DNMBP: variants seen among roughly 807,000 people sequenced by gnomAD.
DNMBP encodes dynamin binding protein, also known as dynamin-binding protein.
DNMBP carries 87 observed loss-of-function variants against 150.0 expected under a neutral mutation model. That is an observed-to-expected ratio of 0.58 (90% CI 0.49 to 0.69). DNMBP has a LOEUF of 0.69. Among genes scored for constraint, DNMBP ranks in the 30% least tolerant of loss-of-function variants. DNMBP has a pLI of 0.00. For synonymous variants in DNMBP, 711 were observed against 750.4 expected (o/e 0.95, Z 0.86); for missense variants, 1,774 against 1,949.0 (o/e 0.91, Z 1.69).
At chr10:99,951,192 C>G (rs1309073693) in intron 4 of DNMBP, among the ~76,000 whole-genome samples, 1 of 152,216 alleles carries the variant, frequency 6.6e-6, no homozygotes, top group Non-Finnish European at 1.5e-5. Context: ...TGCGGGTGCA[C>G]AGAAGAACTG....
At chr10:99,884,384 A>G (rs985818626) in intron 14 of DNMBP, among the ~76,000 whole-genome samples, 175 bp from the exon 15 acceptor site, 1 of 152,236 alleles carries the variant, frequency 6.6e-6, no homozygotes, top group Non-Finnish European at 1.5e-5. Context: ...GTAAAAATCA[A>G]GAGCCCTTAG....
At chr10:99,903,817 C>T (rs1173074858) in intron 6 of DNMBP, among the ~76,000 whole-genome samples, 4 of 152,210 alleles carry the variant, frequency 2.6e-5, no homozygotes, top group East Asian at 3.9e-4. Flanking sequence ...TGTTCTATAT[C>T]AATTACAAAC....
In DNMBP at chr10:99,877,149, G is replaced by A. The variant is rs1485000650; in HGVS notation, c.*2C>T. Reference sequence around the variant, plus strand: ...CAAGGCTGGGTGGCAGGCAACGTGGGCTCAGGTGTACTCGGTTTTGCGGAT... The same window carrying A: ...CAAGGCTGGGTGGCAGGCAACGTGGACTCAGGTGTACTCGGTTTTGCGGAT... On this transcript the variant is annotated 3_prime_UTR_variant, in exon 17 of 17. Coordinates refer to ENST00000324109, the MANE Select transcript of DNMBP (RefSeq NM_015221.4). 6.2e-7 allele frequency: 1 copy of A among 1,606,494 alleles called. No homozygotes were observed.
At chr10:99,907,780 G>A (rs534099149) in intron 6 of DNMBP, among the ~76,000 whole-genome samples, 1 of 152,252 alleles carries the variant, frequency 6.6e-6, no homozygotes, top group East Asian at 1.9e-4. Flanking sequence ...ACATTGTACT[G>A]TATGACATCC....
intron 3 of DNMBP, among the ~76,000 whole-genome samples, chr10:99,962,678 C>T (rs1230975969): frequency 1.3e-5 from 2 of 151,888 alleles, no homozygotes; most frequent in East Asian, 1.9e-4. Context: ...CCCCCTCTGG[C>T]CCTAAGGCCA....
intron 13 of DNMBP, 45 bp from the exon 14 acceptor site, chr10:99,885,911 C>A: frequency 6.7e-7 from 1 of 1,498,150 alleles, no homozygotes. Context: ...GAAGAAAACA[C>A]GATAAAAGAT....
At chr10:99,915,371 C>T (rs191964807) in intron 4 of DNMBP, among the ~76,000 whole-genome samples, 2 of 148,344 alleles carry the variant, frequency 1.3e-5, no homozygotes, top group African/African-American at 5.0e-5. Context: ...CAAACTTAAC[C>T]AGTACTTTTT....
At chr10:99,964,471 C>A (rs1221084584) in intron 3 of DNMBP, among the ~76,000 whole-genome samples, 1 of 151,666 alleles carries the variant, frequency 6.6e-6, no homozygotes, top group African/African-American at 2.4e-5. Context: ...CCCCTCCACC[C>A]CCCACCTTTC....
intron 6 of DNMBP, among the ~76,000 whole-genome samples, chr10:99,904,303 C>G (rs1234234500): frequency 6.6e-6 from 1 of 151,854 alleles, no homozygotes; most frequent in Non-Finnish European, 1.5e-5. Flanking sequence ...CAGACATACA[C>G]AGAAACACAC....
intron 4 of DNMBP, among the ~76,000 whole-genome samples, chr10:99,916,129 A>G (rs2039962644): frequency 1.3e-5 from 2 of 152,246 alleles, no homozygotes; most frequent in Non-Finnish European, 2.9e-5. Context: ...GCACATATTA[A>G]TATGATTGCA....
intron 1 of DNMBP, among the ~76,000 whole-genome samples, chr10:99,972,402 T>C (rs891216515): frequency 6.6e-6 from 1 of 151,876 alleles, no homozygotes; most frequent in Non-Finnish European, 1.5e-5. Context: ...CCCAAGAAAC[T>C]TGGGCTACAG....
At chr10:99,899,797 GAT>G in intron 7 of DNMBP, 120 bp downstream of exon 7, 3 of 1,112,158 alleles carry the variant, frequency 2.7e-6, no homozygotes, top group Non-Finnish European at 4.1e-6. Context: ...CCACTTAAAT[GAT>G]ATATATCATG....
intron 1 of DNMBP, among the ~76,000 whole-genome samples, chr10:99,983,571 G>A (rs558918796): frequency 7.9e-5 from 12 of 152,302 alleles, no homozygotes; most frequent in African/African-American, 2.2e-4. Context: ...CCTCTTGGCC[G>A]CAGCATCCCC....
rs1403936460 is a variant in DNMBP at position 99,929,851 on chromosome 10, T to C, written c.2261-20705A>G. The stretch of plus-strand genomic sequence containing the variant: ...AGGATCCTGCTGCCCCCATGTGCCT[T>C]TGTTCTTGGTATGTCAGTGCCATTA... On this transcript the variant is annotated intron_variant, in intron 4 of 16. Transcript: ENST00000324109. 5.7e-6 allele frequency: 4 copies of C among 703,016 alleles called. No individual in the cohort carries two copies. The South Asian group carries it at 5.9e-5, about 10-fold the overall frequency. The allele number at this position is 703,016 out of a possible 1,614,324, so 43.5% of individuals were successfully genotyped here.
In DNMBP at chr10:99,956,985, C is replaced by T. The variant is rs149570052; in HGVS notation, c.489G>A (p.Glu163=). 1.2e-5 allele frequency: 19 copies of T among 1,614,096 alleles called. No homozygotes were observed. The African/African-American group carries it at 1.3e-4, about 11-fold the overall frequency. ...LMGLSAQLDE[E]LDFREGDVIT... The stretch of plus-strand genomic sequence containing the variant: ...TCACATCCCCTTCCCTGAAGTCCAG[C>T]TCTTCATCCAGCTGAGCAGAAAGCC... Residue 163 remains glutamate, a synonymous_variant, in exon 4 of 17, where the codon GAG becomes GAA. Transcript: ENST00000324109.
intron 1 of DNMBP, among the ~76,000 whole-genome samples, chr10:99,995,032 G>C (rs12766478): frequency 0.33 from 49,189 of 151,288 alleles, 8,073 homozygotes; most frequent in African/African-American, 0.35. Context: ...CTGGGCATGC[G>C]CCACTGTGCC....
At chr10:99,925,663 C>T (rs1815530041) in intron 4 of DNMBP, among the ~76,000 whole-genome samples, 1 of 152,134 alleles carries the variant, frequency 6.6e-6, no homozygotes, top group African/African-American at 2.4e-5. Flanking sequence ...GATCTGCCCA[C>T]CTCGGCCTCC....
chr10:100,001,959 G>T (rs546396133), intron 1 of DNMBP, among the ~76,000 whole-genome samples: 48 of 152,200 alleles, frequency 3.2e-4, no homozygotes, highest in South Asian at 2.5e-3. Flanking sequence ...GTGCACGGAG[G>T]CTCCCTCAGG....
At chr10:100,001,016 AG>A (rs2041003973) in intron 1 of DNMBP, among the ~76,000 whole-genome samples, 1 of 151,100 alleles carries the variant, frequency 6.6e-6, no homozygotes, top group Non-Finnish European at 1.5e-5. Flanking sequence ...GCAGATCACG[AG>A]GGAGGAGTTC....
Sources: gnomAD v4.1 joint callset for allele counts (sites outside exome capture counted in the v4.1 genomes callset) on GRCh38, gnomAD v4.1.1 for gene constraint, MANE v1.5 for transcripts, NCBI Gene and HGNC (gene_info 2026-07-23, HGNC 2026-07-21) for gene names.